The following LRRTM4 variants were observed in gnomAD, a reference collection of about 807,000 sequenced individuals.
LRRTM4 encodes the protein leucine-rich repeat transmembrane neuronal protein 4.
A neutral mutation model predicts 47.6 loss-of-function variants in LRRTM4; 25 were observed. That is an observed-to-expected ratio of 0.53 (90% CI 0.38 to 0.73). The LOEUF is 0.73. Ranked by LOEUF, LRRTM4 falls within the 30% of genes least tolerant of loss-of-function variation. LRRTM4 has a pLI of 0.00. For synonymous variants in LRRTM4, 311 were observed against 269.5 expected (o/e 1.15, Z -1.51); for missense variants, 638 against 713.4 (o/e 0.89, Z 1.20).
At chr2:77,364,028 T>C (rs2103752078) in intron 3 of LRRTM4, among the ~76,000 whole-genome samples, 1 of 151,906 alleles carries the variant, frequency 6.6e-6, no homozygotes, top group East Asian at 1.9e-4. Flanking sequence ...ATGTGTTCCC[T>C]CTCAACACAC....
intron 3 of LRRTM4, among the ~76,000 whole-genome samples, chr2:77,093,474 C>T (rs1439188914): frequency 6.6e-6 from 1 of 151,184 alleles, no homozygotes; most frequent in African/African-American, 2.5e-5. Context: ...CACAATATCA[C>T]CCCTTACACA....
intron 3 of LRRTM4, among the ~76,000 whole-genome samples, chr2:77,111,812 G>A (rs1334572304): frequency 6.6e-6 from 1 of 152,068 alleles, no homozygotes; most frequent in East Asian, 1.9e-4. Context: ...GTAAAAAGGT[G>A]GACGTTTTTG....
intron 3 of LRRTM4, among the ~76,000 whole-genome samples, chr2:77,363,788 A>C (rs2103751540): frequency 6.6e-6 from 1 of 152,306 alleles, no homozygotes; most frequent in African/African-American, 2.4e-5. Context: ...TTATGTATAT[A>C]ATATTTATCT....
intron 3 of LRRTM4, among the ~76,000 whole-genome samples, chr2:76,840,898 C>A (rs1489282818): frequency 2.0e-5 from 3 of 151,756 alleles, no homozygotes; most frequent in Non-Finnish European, 4.4e-5. Flanking sequence ...CTAGAAATAC[C>A]ATTTGACCCA....
chr2:77,522,247 A>G lies in LRRTM4; in HGVS notation c.-286T>C. On this transcript the variant is annotated 5_prime_UTR_variant, in exon 1 of 4. The change abolishes an upstream ATG in the 5' untranslated region. Transcript: ENST00000409884. ...AAAGCTATGCAGGCTAGGTTTATCC[A>G]TTTAGCTGGTCAGGTTTAAAGTGTT... The G allele has an allele frequency of 1.6e-6, 1 of 635,812 alleles. No individual in the cohort carries two copies. Among genetic ancestry groups the G allele is most frequent in the South Asian group, 1.8e-5 (1 of 55,826 alleles). The allele number at this position is 635,812 out of a possible 1,614,324, so 39.4% of individuals were successfully genotyped here. A position where few individuals can be genotyped will look rare whatever the true frequency, so the allele number is the denominator to read the frequency against.
intron 3 of LRRTM4, among the ~76,000 whole-genome samples, chr2:76,876,296 C>T (rs1573243450): frequency 1.3e-5 from 2 of 152,056 alleles, no homozygotes; most frequent in Admixed American, 1.3e-4. Context: ...AATAAAGTAC[C>T]AGGCATAATG....
At position 77,519,880 on chromosome 2, in the gene LRRTM4, A is replaced by G; in HGVS notation, c.5-16T>C. 3.2e-6 allele frequency: 5 copies of G among 1,554,096 alleles called. No homozygotes were observed. The highest frequency in any genetic ancestry group is 4.3e-6 in the Non-Finnish European group (5 of 1,150,350). On this transcript the variant is annotated splice_polypyrimidine_tract_variant and intron_variant, in intron 2 of 3. Coordinates refer to ENST00000409884, the MANE Select transcript of LRRTM4 (RefSeq NM_001134745.3). The surrounding 1 kb of genome is among the most constrained non-coding windows in gnomAD (Gnocchi z 4.6). ...AAATGGAAACCTACGATATTAAAAA[A>G]AAGACAGATGCACATTGTGAAGCTA...
intron 3 of LRRTM4, among the ~76,000 whole-genome samples, chr2:76,979,891 C>T (rs1676547237): frequency 6.6e-6 from 1 of 151,906 alleles, no homozygotes; most frequent in East Asian, 1.9e-4. Context: ...TTCTTTTCTT[C>T]TCACCCCTTC....
intron 3 of LRRTM4, among the ~76,000 whole-genome samples, chr2:76,963,041 T>C (rs1405398162): frequency 6.6e-6 from 1 of 150,926 alleles, no homozygotes; most frequent in Non-Finnish European, 1.5e-5. Flanking sequence ...TATATTAAGA[T>C]AAATTATGCA....
intron 3 of LRRTM4, among the ~76,000 whole-genome samples, chr2:76,894,572 C>T (rs1420070442): frequency 4.6e-5 from 7 of 151,944 alleles, no homozygotes; most frequent in African/African-American, 1.7e-4. Context: ...CATGGCAATA[C>T]TTTGAAAAGT....
intron 3 of LRRTM4, among the ~76,000 whole-genome samples, chr2:77,449,909 T>G (rs557203778): frequency 6.6e-6 from 1 of 152,302 alleles, no homozygotes; most frequent in African/African-American, 2.4e-5. Flanking sequence ...CCAGAGTCAG[T>G]TTTTCTTGCT....
intron 3 of LRRTM4, among the ~76,000 whole-genome samples, chr2:77,479,791 C>G (rs1037202774): frequency 6.6e-6 from 1 of 151,736 alleles, no homozygotes; most frequent in African/African-American, 2.4e-5. Context: ...CTCTCTTTCT[C>G]TTTCTCTCTC....
chr2:76,898,177 T>C (rs1371785628), intron 3 of LRRTM4, among the ~76,000 whole-genome samples: 5 of 150,822 alleles, frequency 3.3e-5, no homozygotes, highest in South Asian at 2.1e-4. Context: ...ATAAAATACA[T>C]GCTCATTATG....
intron 3 of LRRTM4, among the ~76,000 whole-genome samples, chr2:77,387,360 A>G (rs1394036090): frequency 6.6e-6 from 1 of 152,100 alleles, no homozygotes; most frequent in East Asian, 1.9e-4. Context: ...GAAGCAATCC[A>G]CCATGGACTT....
chr2:76,992,165 C>T (rs1419764284), intron 3 of LRRTM4, among the ~76,000 whole-genome samples: 1 of 151,626 alleles, frequency 6.6e-6, no homozygotes, highest in Non-Finnish European at 1.5e-5. Flanking sequence ...TATGAAAAAC[C>T]AACAGCCAAC....
intron 3 of LRRTM4, among the ~76,000 whole-genome samples, chr2:76,795,110 CGA>C (rs1217466553): frequency 6.6e-6 from 1 of 151,494 alleles, no homozygotes; most frequent in Non-Finnish European, 1.5e-5. Context: ...TGCTCAATAC[CGA>C]GAGATTTACT....
chr2:76,983,367 G>C (rs1194968447), intron 3 of LRRTM4, among the ~76,000 whole-genome samples: 1 of 151,956 alleles, frequency 6.6e-6, no homozygotes, highest in Non-Finnish European at 1.5e-5. Context: ...AGGTGTCAAG[G>C]GTGGGGCCAG....
chr2:77,501,575 G>C (rs1209807204), intron 3 of LRRTM4, among the ~76,000 whole-genome samples: 1 of 150,796 alleles, frequency 6.6e-6, no homozygotes, highest in African/African-American at 2.4e-5. Context: ...CTATTTTCTT[G>C]AGAGAATCTT....
intron 3 of LRRTM4, among the ~76,000 whole-genome samples, chr2:76,839,198 G>T (rs1671603527): frequency 6.6e-6 from 1 of 152,090 alleles, no homozygotes; most frequent in Non-Finnish European, 1.5e-5. Context: ...TCCAATGATT[G>T]TTGACAACAG....
Sources: gnomAD v4.1 joint callset for allele counts (sites outside exome capture counted in the v4.1 genomes callset) on GRCh38, gnomAD v4.1.1 for gene constraint, Gnocchi (gnomAD v3.1) non-coding constraint, MANE v1.5 for transcripts, NCBI Gene and HGNC (gene_info 2026-07-23, HGNC 2026-07-21) for gene names.